Variants in PIK3AP1 observed in about 807,000 individuals in gnomAD.
PIK3AP1 encodes the protein phosphoinositide 3-kinase adapter protein 1.
A neutral mutation model predicts 88.1 loss-of-function variants in PIK3AP1; 21 were observed. The ratio of observed to expected loss-of-function variants is 0.24; its 90% CI spans 0.17 to 0.34. The LOEUF is 0.34. Among genes scored for constraint, PIK3AP1 ranks in the 10% least tolerant of loss-of-function variants. The pLI is 1.00. For synonymous variants in PIK3AP1, 398 were observed against 400.0 expected (o/e 1.00, Z 0.06); for missense variants, 828 against 1,035.7 (o/e 0.80, Z 2.75).
chr10:96,661,260 T>C (rs1032412870), intron 2 of PIK3AP1, among the ~76,000 whole-genome samples: 2 of 151,496 alleles, frequency 1.3e-5, no homozygotes. Context: ...GGCAGAACTA[T>C]GGATCACTGA....
At chr10:96,668,375 A>G (rs915775720) in intron 2 of PIK3AP1, among the ~76,000 whole-genome samples, 1 of 152,218 alleles carries the variant, frequency 6.6e-6, no homozygotes, top group African/African-American at 2.4e-5. Context: ...GAAATGCTGC[A>G]TTATGCTATT....
At chr10:96,627,546 C>T (rs956555394) in intron 9 of PIK3AP1, among the ~76,000 whole-genome samples, 5 of 152,172 alleles carry the variant, frequency 3.3e-5, no homozygotes, top group Admixed American at 2.0e-4. Context: ...GGTTTGTCTA[C>T]CACTGCTTTA....
intron 2 of PIK3AP1, among the ~76,000 whole-genome samples, chr10:96,690,683 C>T (rs1048876514): frequency 6.6e-6 from 1 of 152,150 alleles, no homozygotes; most frequent in African/African-American, 2.4e-5. Context: ...AATCTTGACC[C>T]CTCCACATTC....
intron 8 of PIK3AP1, among the ~76,000 whole-genome samples, chr10:96,642,291 T>A (rs538064915): frequency 1.8e-4 from 28 of 151,686 alleles, no homozygotes; most frequent in African/African-American, 6.5e-4. Context: ...CTGGGCATGG[T>A]GGTTCACACC....
chr10:96,675,001 T>C (rs879696335), intron 2 of PIK3AP1, among the ~76,000 whole-genome samples: 10 of 152,340 alleles, frequency 6.6e-5, no homozygotes, highest in Non-Finnish European at 1.5e-4. Context: ...CAAGCAATTC[T>C]CCTGCCACAG....
intron 2 of PIK3AP1, among the ~76,000 whole-genome samples, chr10:96,673,830 A>C (rs941562185): frequency 2.0e-5 from 3 of 152,110 alleles, no homozygotes; most frequent in Non-Finnish European, 2.9e-5. Flanking sequence ...TGAGAGTAAA[A>C]TTTCTTCCCT....
chr10:96,663,629 A>G (rs924059028), intron 2 of PIK3AP1, among the ~76,000 whole-genome samples: 3 of 100,368 alleles, frequency 3.0e-5, no homozygotes, highest in Non-Finnish European at 4.1e-5. Context: ...GACTCCGTCA[A>G]AAAAAAAAAA....
intron 15 of PIK3AP1, among the ~76,000 whole-genome samples, chr10:96,602,843 A>G (rs913905650): frequency 2.0e-5 from 3 of 152,210 alleles, no homozygotes; most frequent in African/African-American, 7.2e-5. Context: ...AACCTAAAGC[A>G]GCAACTTACT....
intron 2 of PIK3AP1, among the ~76,000 whole-genome samples, chr10:96,684,176 A>G (rs948345347): frequency 5.3e-5 from 8 of 152,246 alleles, no homozygotes. Context: ...AGCCATTCTT[A>G]AAGCTTCTCA....
chr10:96,600,258 C>T lies in PIK3AP1; in HGVS notation c.2360+2022G>A, dbSNP rs1264269529. Among the ~76,000 whole-genome samples the T allele has an allele frequency of 2.6e-5, 4 of 152,180 alleles. No individual in the cohort carries two copies. The East Asian group carries it at 5.8e-4, about 22-fold the overall frequency. On this transcript the variant is annotated intron_variant, in intron 16 of 16. Coordinates refer to ENST00000339364, the MANE Select transcript of PIK3AP1 (RefSeq NM_152309.3). ...CTGCAAAATGGGATAACACTAAATA[C>T]CTACGTCTTAGGATTGTGGAGAGAA... is the stretch of plus-strand genomic sequence containing the variant.
intron 14 of PIK3AP1, among the ~76,000 whole-genome samples, chr10:96,608,078 C>T (rs1849033193): frequency 6.6e-6 from 1 of 152,196 alleles, no homozygotes; most frequent in African/African-American, 2.4e-5. Flanking sequence ...GGGAAAAGCA[C>T]AGTTTATTCT....
intron 2 of PIK3AP1, among the ~76,000 whole-genome samples, chr10:96,690,731 A>G (rs1024283833): frequency 6.6e-6 from 1 of 152,178 alleles, no homozygotes; most frequent in Non-Finnish European, 1.5e-5. Flanking sequence ...AGTTTTTAGA[A>G]AGCCCACACT....
At chr10:96,601,952 C>T (rs994911664) in intron 16 of PIK3AP1, among the ~76,000 whole-genome samples, 39 of 152,128 alleles carry the variant, frequency 2.6e-4, no homozygotes, top group Non-Finnish European at 1.6e-4. Flanking sequence ...GGCATGATCT[C>T]GGCTCACTGC....
intron 2 of PIK3AP1, among the ~76,000 whole-genome samples, chr10:96,674,899 G>T (rs532249164): frequency 6.6e-6 from 1 of 152,174 alleles, no homozygotes; most frequent in Admixed American, 6.5e-5. Flanking sequence ...GTTTTGTTTT[G>T]TTTTGTTTTT....
chr10:96,595,314 A>G lies in PIK3AP1; in HGVS notation c.*263T>C, dbSNP rs1014773445. 5 of 457,718 alleles carry G rather than the reference A, an allele frequency of 1.1e-5. No homozygotes were observed. In the East Asian group the frequency reaches 1.8e-4, roughly 17 times the overall value. The allele number at this position is 457,718 out of a possible 1,614,324, so 28.4% of individuals were successfully genotyped here. A position where few individuals can be genotyped will look rare whatever the true frequency, so the allele number is the denominator to read the frequency against. ...TGGCAAATTAGAGGTAAGTATTTCG[A>G]TTAAGTCTTCATCCTTTTGGCAAAC... is the stretch of plus-strand genomic sequence containing the variant. On this transcript the variant is annotated 3_prime_UTR_variant, in exon 17 of 17. Transcript: ENST00000339364.
chr10:96,626,584 C>T, intron 10 of PIK3AP1, 124 bp downstream of exon 10: 1 of 1,028,466 alleles, frequency 9.7e-7, no homozygotes, highest in South Asian at 1.6e-5. Context: ...TCTCGTAGGG[C>T]TGGTTGAAGA....
At chr10:96,649,757 T>C (rs1240192316) in intron 6 of PIK3AP1, among the ~76,000 whole-genome samples, 1 of 152,126 alleles carries the variant, frequency 6.6e-6, no homozygotes, top group Admixed American at 6.5e-5. Flanking sequence ...TTTTGAATGT[T>C]GGTCTTAATG....
intron 12 of PIK3AP1, among the ~76,000 whole-genome samples, chr10:96,618,066 G>A (rs1398462972): frequency 6.6e-6 from 1 of 152,198 alleles, no homozygotes; most frequent in Admixed American, 6.5e-5. Context: ...CCCTGAAGGG[G>A]AGATGCTCAG....
At position 96,720,496 on chromosome 10, in the gene PIK3AP1, C is replaced by A. The variant is rs1436226294; in HGVS notation, c.-102G>T. On this transcript the variant is annotated 5_prime_UTR_variant, in exon 1 of 17. Transcript: ENST00000339364. The surrounding 1 kb of genome is among the most constrained non-coding windows in gnomAD (Gnocchi z 4.6). ...GGCTGGAGGGGCGCCGGGCTCCGCG[C>A]GGGACCGGCCGCCGCTCTGGCGCTT... 1.4e-5 allele frequency: 15 copies of A among 1,055,860 alleles called. No individual in the cohort carries two copies. The highest frequency in any genetic ancestry group is 9.4e-5 in the South Asian group (2 of 21,322). 65.4% of individuals were successfully genotyped at this position (1,055,860 alleles called of 1,614,324 possible). A position where few individuals can be genotyped will look rare whatever the true frequency, so the allele number is the denominator to read the frequency against.
Sources: allele counts gnomAD v4.1 joint callset (sites outside exome capture counted in the v4.1 genomes callset), GRCh38; gene constraint gnomAD v4.1.1; non-coding constraint Gnocchi (gnomAD v3.1); transcripts MANE v1.5; gene names NCBI Gene and HGNC (gene_info 2026-07-23, HGNC 2026-07-21).